The following PIK3C3 variants were observed in gnomAD, a reference collection of about 807,000 sequenced individuals.
PIK3C3 encodes the protein PI3-kinase type 3.
A neutral mutation model predicts 126.1 loss-of-function variants in PIK3C3; 95 were observed. The ratio of observed to expected loss-of-function variants is 0.75; its 90% CI spans 0.64 to 0.89. The LOEUF (loss-of-function observed/expected upper bound fraction) is 0.89, where lower values mean the gene tolerates loss of function less well. Among genes scored for constraint, PIK3C3 ranks in the 40% least tolerant of loss-of-function variants. The pLI, the probability that PIK3C3 is intolerant of heterozygous loss-of-function variation, is 0.00. For synonymous variants in PIK3C3, 374 were observed against 360.0 expected (o/e 1.04, Z -0.44); for missense variants, 829 against 1,063.2 (o/e 0.78, Z 3.06).
chr18:41,962,494 A>T lies in PIK3C3; in HGVS notation c.263A>T (p.Asn88Ile). 1 of 1,607,702 alleles carries T rather than the reference A, an allele frequency of 6.2e-7. No homozygotes were observed. Among genetic ancestry groups the T allele is most frequent in the Non-Finnish European group, 8.5e-7 (1 of 1,176,352 alleles). The change falls in exon 3 of 25, where the codon AAT becomes ATT. Residue 88 changes from asparagine (N) to isoleucine (I), a missense_variant. Transcript: ENST00000262039. ...YKAFSTRWNW[N>I]EWLKLPVKYP... ...TGTTAACTTCATTTCCATAGCTGGA[A>T]TGAATGGCTGAAACTACCAGTAAAA...
Position 42,013,455 on chromosome 18 carries a change from A to G in PIK3C3, c.1184A>G (p.Tyr395Cys). 6.4e-7 allele frequency: 1 copy of G among 1,560,252 alleles called. No individual in the cohort carries two copies. Among genetic ancestry groups the G allele is most frequent in the Non-Finnish European group, 8.6e-7 (1 of 1,156,696 alleles). Residue 395 changes from tyrosine to cysteine, a missense_variant, in exon 11 of 25, where the codon TAC becomes TGC. Coordinates refer to ENST00000262039, the MANE Select transcript of PIK3C3 (RefSeq NM_002647.4). ...TTTGTTTTCCAGGATTTGTTGATGT[A>G]CCTATTACAATTGGTCCAGGCTCTC... ...RQADDEDLLM[Y>C]LLQLVQALKY...
chr18:42,027,775 C>T (rs1983638814), intron 14 of PIK3C3, among the ~76,000 whole-genome samples: 2 of 152,144 alleles, frequency 1.3e-5, no homozygotes. Context: ...CTGCCTCAGC[C>T]TCCCGAATAG....
At chr18:42,062,286 G>T (rs1184104619) in intron 22 of PIK3C3, among the ~76,000 whole-genome samples, 2 of 150,880 alleles carry the variant, frequency 1.3e-5, no homozygotes, top group Non-Finnish European at 2.9e-5. Flanking sequence ...TACGCTGCTG[G>T]CATCACATTC....
chr18:42,038,710 C>G (rs565130079), intron 17 of PIK3C3, 71 bp from the exon 18 acceptor site: 1 of 911,084 alleles, frequency 1.1e-6, no homozygotes, highest in East Asian at 2.4e-5. Context: ...AACTGCTATA[C>G]TATTTGCCCA....
At chr18:42,028,295 T>G (rs1983665027) in intron 14 of PIK3C3, among the ~76,000 whole-genome samples, 1 of 152,228 alleles carries the variant, frequency 6.6e-6, no homozygotes, top group South Asian at 2.1e-4. Context: ...TATGTACATT[T>G]CCAGAAATCT....
rs550616351 is a variant in PIK3C3 at position 42,076,180 on chromosome 18, A to G, written c.2650-4943A>G. ...TATATATGCACATATATATATATGC[A>G]CATATATATATGCACACATATATAT... On this transcript the variant is annotated intron_variant, in intron 24 of 24. Transcript: ENST00000262039. Among the ~76,000 whole-genome samples the G allele has an allele frequency of 2.2e-3, 257 of 114,576 alleles. 2 individuals carry two copies. The highest frequency in any genetic ancestry group is 0.012 in the East Asian group (39 of 3,258). 75.2% of individuals were successfully genotyped at this position (114,576 alleles called of 152,430 possible). A position where few individuals can be genotyped will look rare whatever the true frequency, so the allele number is the denominator to read the frequency against.
At chr18:42,052,858 C>G (rs1011013831) in intron 21 of PIK3C3, 12 of 152,224 alleles carry the variant, frequency 7.9e-5, no homozygotes, top group African/African-American at 2.9e-4. Flanking sequence ...ACTTTGGGTT[C>G]TCTTACATAA....
In PIK3C3 at chr18:42,085,230, A is replaced by C. The variant is rs900651920; in HGVS notation, c.*4093A>C. The C allele has an allele frequency of 6.6e-6, 1 of 152,120 alleles. No individual in the cohort carries two copies. Among genetic ancestry groups the C allele is most frequent in the African/African-American group, 2.4e-5 (1 of 41,426 alleles). The allele number at this position is 152,120 out of a possible 1,614,324, so 9.4% of individuals were successfully genotyped here. A position where few individuals can be genotyped will look rare whatever the true frequency, so the allele number is the denominator to read the frequency against. ...ATGGGCTGGTACATTGCATTTCAAC[A>C]CTAGTTTTTTACTTTTATCTACCCT... On this transcript the variant is annotated 3_prime_UTR_variant, in exon 25 of 25. Transcript: ENST00000262039.
At chr18:42,050,262 T>G (rs748170250) in intron 21 of PIK3C3, 1 of 152,210 alleles carries the variant, frequency 6.6e-6, no homozygotes, top group Non-Finnish European at 1.5e-5. Flanking sequence ...TTAATTCACT[T>G]TAATATCTAC....
At position 42,029,507 on chromosome 18, in the gene PIK3C3, C is replaced by G; in HGVS notation, c.1707+66C>G. On this transcript the variant is annotated intron_variant, in intron 15 of 24. Transcript: ENST00000262039. ...GGCATCAGAAAATACTGAATTTTCA[C>G]TATTGTCTTTTTGGGTTGATACGTG... 4 of 559,724 alleles carry G rather than the reference C, an allele frequency of 7.1e-6. No individual in the cohort carries two copies. In the South Asian group the frequency reaches 8.4e-5, roughly 12 times the overall value. 34.7% of individuals were successfully genotyped at this position (559,724 alleles called of 1,614,324 possible).
intron 4 of PIK3C3, among the ~76,000 whole-genome samples, chr18:41,975,446 C>T (rs1011930500): frequency 6.6e-6 from 1 of 151,992 alleles, no homozygotes; most frequent in Non-Finnish European, 1.5e-5. Flanking sequence ...GTGCACATGT[C>T]GAACGTTTCT....
chr18:42,058,009 A>G lies in PIK3C3; in HGVS notation c.2390A>G (p.Glu797Gly), dbSNP rs1309079816. The change falls in exon 22 of 25, where the codon GAG (glutamate) becomes GGG (glycine). Residue 797 changes from glutamate (E) to glycine (G), a missense_variant. This residue lies in a region of PIK3C3 where 196 missense variants were observed against 312.8 expected (regional missense o/e 0.63). Coordinates refer to ENST00000262039, the MANE Select transcript of PIK3C3 (RefSeq NM_002647.4). Reference protein sequence around the residue: ...MGGTQSEQYQEFRKQCYTAFL... With the variant: ...MGGTQSEQYQGFRKQCYTAFL... ...GGCACACAGAGTGAGCAGTACCAAG[A>G]GTTCCGTAAACAGTGTTACACGGCT... is the stretch of plus-strand genomic sequence containing the variant. 1.9e-6 allele frequency: 3 copies of G among 1,612,630 alleles called. No individual in the cohort carries two copies. Among genetic ancestry groups the G allele is most frequent in the Non-Finnish European group, 2.5e-6 (3 of 1,179,402 alleles).
intron 2 of PIK3C3, among the ~76,000 whole-genome samples, chr18:41,962,075 T>C (rs1980117107): frequency 6.6e-6 from 1 of 152,198 alleles, no homozygotes; most frequent in Non-Finnish European, 1.5e-5. Context: ...TCCTGATTTA[T>C]TCTCAGAAGT....
At chr18:42,019,025 C>T (rs1033593085) in intron 12 of PIK3C3, among the ~76,000 whole-genome samples, 1 of 151,984 alleles carries the variant, frequency 6.6e-6, no homozygotes, top group Non-Finnish European at 1.5e-5. Flanking sequence ...TTCTTCATGC[C>T]CCGCCTCCCA....
At chr18:42,079,709 T>G (rs1986168308) in intron 24 of PIK3C3, among the ~76,000 whole-genome samples, 1 of 151,942 alleles carries the variant, frequency 6.6e-6, no homozygotes, top group South Asian at 2.1e-4. Flanking sequence ...CGCATACACG[T>G]GTACATATGC....
At chr18:42,066,788 TA>T (rs1356612107) in intron 23 of PIK3C3, among the ~76,000 whole-genome samples, 1 of 152,068 alleles carries the variant, frequency 6.6e-6, no homozygotes, top group African/African-American at 2.4e-5. Context: ...TAAATAAGAC[TA>T]AAAAAATTAT....
chr18:41,965,395 C>T (rs567591754), intron 3 of PIK3C3, among the ~76,000 whole-genome samples: 5 of 152,144 alleles, frequency 3.3e-5, no homozygotes, highest in African/African-American at 4.8e-5. Flanking sequence ...AAATGAACTG[C>T]GTACATCTAA....
At chr18:41,973,409 G>A (rs1239190296) in intron 4 of PIK3C3, among the ~76,000 whole-genome samples, 1 of 151,892 alleles carries the variant, frequency 6.6e-6, no homozygotes, top group Non-Finnish European at 1.5e-5. Context: ...TTTGATACTT[G>A]TATGGTCTTA....
chr18:42,027,424 G>A lies in PIK3C3; in HGVS notation c.1485-19G>A. ...AAGTTTCATTTCACATCACATGAAT[G>A]GCTCAAACTATTTTTAAGGTATGTG... On this transcript the variant is annotated intron_variant, in intron 13 of 24. Transcript: ENST00000262039. 7.0e-7 allele frequency: 1 copy of A among 1,418,722 alleles called. No individual in the cohort carries two copies. Among genetic ancestry groups the A allele is most frequent in the Non-Finnish European group, 9.9e-7 (1 of 1,013,684 alleles). The allele number at this position is 1,418,722 out of a possible 1,614,324, so 87.9% of individuals were successfully genotyped here.
Sources: allele counts gnomAD v4.1 joint callset (sites outside exome capture counted in the v4.1 genomes callset), GRCh38; gene constraint gnomAD v4.1.1; regional missense constraint gnomAD v4.1.1; transcripts MANE v1.5; gene names NCBI Gene and HGNC (gene_info 2026-07-23, HGNC 2026-07-21).